STK40: variants seen among roughly 807,000 people sequenced by gnomAD.
STK40 encodes serine/threonine-protein kinase 40.
A neutral mutation model predicts 47.9 loss-of-function variants in STK40; 13 were observed. The ratio of observed to expected loss-of-function variants is 0.27; its 90% confidence interval spans 0.18 to 0.43. The LOEUF (loss-of-function observed/expected upper bound fraction) is 0.43, where lower values mean the gene tolerates loss of function less well. Ranked by LOEUF, STK40 falls within the 20% of genes least tolerant of loss-of-function variation. STK40 has a pLI of 1.00. For missense variants in STK40, 460 were observed against 595.1 expected, an observed-to-expected ratio of 0.77 and a Z score of 2.36; for synonymous variants, 225 against 243.2, an observed-to-expected ratio of 0.93 and a Z score of 0.69.
chr1:36,352,208 A>T (rs1421164558), intron 6 of STK40, among the ~76,000 whole-genome samples: 1 of 152,188 alleles, frequency 6.6e-6, no homozygotes, highest in Non-Finnish European at 1.5e-5. Context: ...CTCAACATGC[A>T]GCAGGCCTCA....
In STK40 at chr1:36,345,991, A is replaced by ATATATATAT; in HGVS notation, c.740-1728_740-1727insATATATATA. 1.2e-3 allele frequency among the ~76,000 whole-genome samples: 31 copies of ATATATATAT among 26,462 alleles called. 1 individual carries two copies. Among genetic ancestry groups the ATATATATAT allele is most frequent in the East Asian group, 2.9e-3 (4 of 1,366 alleles). The allele number at this position is 26,462 out of a possible 152,430, so 17.4% of individuals were successfully genotyped here. ...TACATATATATATATATATATATATATTTTTTTTTTTTTTTTTTCCTGAGA... is the reference window on the plus strand; with the variant it reads ...TACATATATATATATATATATATATATATATATATTTTTTTTTTTTTTTTTTTCCTGAGA... On this transcript the variant is annotated intron_variant, in intron 7 of 10. Transcript: ENST00000373132.
chr1:36,342,171 C>G, intron 10 of STK40, 198 bp from the exon 11 acceptor site: 1 of 599,950 alleles, frequency 1.7e-6, no homozygotes, highest in Non-Finnish European at 3.0e-6. Context: ...AACCTCAACT[C>G]CCCTTGCAGG....
chr1:36,348,903 C>T, intron 6 of STK40, 88 bp from the exon 7 acceptor site: 1 of 1,115,448 alleles, frequency 9.0e-7, no homozygotes, highest in Non-Finnish European at 1.3e-6. Context: ...ACTGGGCCAA[C>T]ACCCAATCCT....
intron 1 of STK40, chr1:36,367,867 G>C: frequency 1.0e-6 from 1 of 985,522 alleles, no homozygotes; most frequent in African/African-American, 1.7e-5. Flanking sequence ...ATACAGTAAG[G>C]GACTGTCCAG....
At chr1:36,345,584 T>C in intron 7 of STK40, among the ~76,000 whole-genome samples, 1 of 152,192 alleles carries the variant, frequency 6.6e-6, no homozygotes, top group Admixed American at 6.5e-5. Flanking sequence ...ACCCCATGGC[T>C]GACTCAAGGA....
chr1:36,348,623 A>T, intron 7 of STK40, 77 bp downstream of exon 7: 3 of 1,407,206 alleles, frequency 2.1e-6, no homozygotes, highest in Non-Finnish European at 2.9e-6. Flanking sequence ...GGGCCTGCCC[A>T]CAAATTTGCT....
chr1:36,372,971 A>G (rs1368302037), intron 1 of STK40, among the ~76,000 whole-genome samples: 2 of 152,226 alleles, frequency 1.3e-5, no homozygotes, highest in Non-Finnish European at 2.9e-5. Context: ...GGAAACCCAG[A>G]GGAATTCACA....
intron 7 of STK40, among the ~76,000 whole-genome samples, chr1:36,346,041 C>A (rs1417557371): frequency 8.0e-6 from 1 of 124,846 alleles, no homozygotes; most frequent in Admixed American, 9.0e-5. Flanking sequence ...GTTGCCCAGG[C>A]TGGAGTGCAG....
At chr1:36,379,758 C>A (rs913667521) in intron 1 of STK40, among the ~76,000 whole-genome samples, 15 of 152,090 alleles carry the variant, frequency 9.9e-5, no homozygotes, top group African/African-American at 3.4e-4. Context: ...AGAACAGATT[C>A]ACTTGCTGGG....
chr1:36,360,676 C>T (rs1237071677), intron 2 of STK40, among the ~76,000 whole-genome samples: 1 of 152,120 alleles, frequency 6.6e-6, no homozygotes, highest in Non-Finnish European at 1.5e-5. Context: ...GCTAGGACTA[C>T]AGGCATGTGA....
At chr1:36,379,800 G>A (rs1325894150) in intron 1 of STK40, among the ~76,000 whole-genome samples, 1 of 152,088 alleles carries the variant, frequency 6.6e-6, no homozygotes, top group Non-Finnish European at 1.5e-5. Flanking sequence ...TTTATTAAAA[G>A]GAGACCTAGA....
Position 36,351,918 on chromosome 1 carries a change from T to C in STK40, c.623+2446A>G, listed in dbSNP as rs1646762579. 2.0e-5 allele frequency among the ~76,000 whole-genome samples: 3 copies of C among 152,346 alleles called. 1 individual carries two copies. The highest frequency in any genetic ancestry group is 7.2e-5 in the African/African-American group (3 of 41,582). On this transcript the variant is annotated intron_variant, in intron 6 of 10. Transcript: ENST00000373132. ...AGGTCTGGGAGCTCTCTAGTCCAGC[T>C]GGAGGGCACATGGGCTCTGCAGCCA... is the stretch of plus-strand genomic sequence containing the variant.
rs188766769 is a variant in STK40 at position 36,353,816 on chromosome 1, A to G, written c.623+548T>C. On this transcript the variant is annotated intron_variant, in intron 6 of 10. Coordinates refer to ENST00000373132, the MANE Select transcript of STK40 (RefSeq NM_001282547.2). The stretch of plus-strand genomic sequence containing the variant: ...CCTAATTCCACCCCCTCACCCTGAG[A>G]GCACTTCACAGTAAACCTTCTGCAC... 6.6e-5 allele frequency among the ~76,000 whole-genome samples: 10 copies of G among 152,280 alleles called. No homozygotes were observed. In the East Asian group the frequency reaches 1.7e-3, roughly 26 times the overall value.
chr1:36,381,253 GC>G (rs1647037040), intron 1 of STK40, among the ~76,000 whole-genome samples: 1 of 152,126 alleles, frequency 6.6e-6, no homozygotes, highest in Non-Finnish European at 1.5e-5. Flanking sequence ...TCCACTTAAT[GC>G]AAGGCATCCA....
intron 6 of STK40, among the ~76,000 whole-genome samples, chr1:36,352,074 T>G (rs1646763762): frequency 6.6e-6 from 1 of 152,206 alleles, no homozygotes; most frequent in East Asian, 1.9e-4. Flanking sequence ...TTCCCAACTT[T>G]ATGACAACTG....
At chr1:36,365,718 C>T (rs1263732543) in intron 1 of STK40, among the ~76,000 whole-genome samples, 1 of 152,192 alleles carries the variant, frequency 6.6e-6, no homozygotes, top group Admixed American at 6.5e-5. Context: ...AGAAGTCTTC[C>T]TTGATAACCT....
chr1:36,367,177 A>T (rs564402946), intron 1 of STK40, among the ~76,000 whole-genome samples: 4 of 152,022 alleles, frequency 2.6e-5, no homozygotes, highest in Non-Finnish European at 5.9e-5. Flanking sequence ...CTCACAAGTC[A>T]GCACCAGTCC....
At position 36,341,429 on chromosome 1, in the gene STK40, G is replaced by C. The variant is rs1418813299; in HGVS notation, c.*326C>G. On this transcript the variant is annotated 3_prime_UTR_variant, in exon 11 of 11. Transcript: ENST00000373132. ...TGGCCGCTGGGGAAGGCCCTGGAGT[G>C]GGGTGAGCAGGCTCCCTCCTCCCTC... 1.1e-5 allele frequency: 3 copies of C among 285,490 alleles called. No homozygotes were observed. In the East Asian group the frequency reaches 2.7e-4, roughly 26 times the overall value. The allele number at this position is 285,490 out of a possible 1,614,324, so 17.7% of individuals were successfully genotyped here.
At chr1:36,385,286 A>C (rs907361070) in intron 1 of STK40, among the ~76,000 whole-genome samples, 3 of 152,214 alleles carry the variant, frequency 2.0e-5, no homozygotes, top group African/African-American at 7.2e-5. Flanking sequence ...CCCGTGCCAG[A>C]GTGAGGGCTC....
Sources: gnomAD v4.1 joint callset for allele counts (sites outside exome capture counted in the v4.1 genomes callset) on GRCh38, gnomAD v4.1.1 for gene constraint, MANE v1.5 for transcripts, NCBI Gene and HGNC (gene_info 2026-07-23, HGNC 2026-07-21) for gene names.